Variants in MYT1L observed in about 807,000 individuals in gnomAD.
MYT1L encodes myelin transcription factor 1 like.
MYT1L carries 12 observed loss-of-function variants against 126.7 expected under a neutral mutation model. The observed-to-expected ratio is 0.09, with a 90% CI of 0.06 to 0.15. The LOEUF (loss-of-function observed/expected upper bound fraction) is 0.15, where lower values mean the gene tolerates loss of function less well. MYT1L is among the 10% of genes least tolerant of loss of function. The probability of loss-of-function intolerance (pLI) is 1.00; values close to 1 mark genes in which losing one functional copy is unlikely to be tolerated. For missense variants in MYT1L, 979 were observed against 1,585.2 expected (o/e 0.62, Z 6.49); for synonymous variants, 541 against 604.2 (o/e 0.90, Z 1.53).
chr2:1,984,893 G>A (rs1202222742), intron 5 of MYT1L, among the ~76,000 whole-genome samples: 3 of 152,118 alleles, frequency 2.0e-5, no homozygotes, highest in Admixed American at 6.6e-5. Context: ...CTGATGTCAA[G>A]TACCACATTA....
chr2:2,218,615 A>G (rs982389673), intron 2 of MYT1L, among the ~76,000 whole-genome samples: 1 of 152,210 alleles, frequency 6.6e-6, no homozygotes, highest in Admixed American at 6.5e-5. Flanking sequence ...AAACCTTGGC[A>G]TGAAGTTTAC....
At chr2:1,952,510 G>A (rs1573915477) in intron 8 of MYT1L, among the ~76,000 whole-genome samples, 1 of 151,766 alleles carries the variant, frequency 6.6e-6, no homozygotes. Flanking sequence ...CAGGAGACGT[G>A]GTTCTCCGAC....
At chr2:1,896,496 A>AT (rs2049589993) in intron 14 of MYT1L, among the ~76,000 whole-genome samples, 1 of 152,244 alleles carries the variant, frequency 6.6e-6, no homozygotes, top group Non-Finnish European at 1.5e-5. Flanking sequence ...CTGTGATACT[A>AT]TGCAGCCATA....
intron 3 of MYT1L, among the ~76,000 whole-genome samples, chr2:2,143,258 C>A (rs930045942): frequency 2.0e-5 from 3 of 149,988 alleles, no homozygotes; most frequent in African/African-American, 7.4e-5. Context: ...CCACTGCATT[C>A]CAGCCTGGGC....
chr2:2,020,005 C>T (rs562338707), intron 4 of MYT1L, among the ~76,000 whole-genome samples: 42 of 152,134 alleles, frequency 2.8e-4, no homozygotes, highest in Admixed American at 4.6e-4. Context: ...CCACTGCACC[C>T]GGCTAATTTT....
rs187739981 is a variant in MYT1L at position 1,831,220 on chromosome 2, C to G, written c.3080+7929G>C. 4.0e-5 allele frequency among the ~76,000 whole-genome samples: 6 copies of G among 149,682 alleles called. No homozygotes were observed. The East Asian group carries it at 1.1e-3, about 27-fold the overall frequency. On this transcript the variant is annotated intron_variant, in intron 21 of 24. Coordinates refer to ENST00000647738, the MANE Select transcript of MYT1L (RefSeq NM_001303052.2). The stretch of plus-strand genomic sequence containing the variant: ...CTGCTCCGAGGACCCCTGGCTCCCC[C>G]CAGATGGAGCTCTGCTCTGAGGACC...
chr2:2,172,847 G>T (rs1456512418), intron 3 of MYT1L, 25 bp downstream of exon 3: 1 of 152,360 alleles, frequency 6.6e-6, no homozygotes, highest in Non-Finnish European at 1.5e-5. Context: ...TCTGTCACCA[G>T]GAGCCCCGTG....
At chr2:2,180,053 G>T (rs2091243630) in intron 2 of MYT1L, among the ~76,000 whole-genome samples, 2 of 152,152 alleles carry the variant, frequency 1.3e-5, no homozygotes, top group Non-Finnish European at 2.9e-5. Flanking sequence ...TCCACTGTTT[G>T]CCCACTTCTG....
intron 2 of MYT1L, among the ~76,000 whole-genome samples, chr2:2,210,505 C>T (rs1221328492): frequency 6.6e-6 from 1 of 152,122 alleles, no homozygotes; most frequent in African/African-American, 2.4e-5. Flanking sequence ...AGTGTCTATC[C>T]TTGGCTCCTT....
chr2:1,839,187 G>A lies in MYT1L; in HGVS notation c.3042C>T (p.Gly1014=), dbSNP rs747976620. 3 of 1,613,350 alleles carry A rather than the reference G, an allele frequency of 1.9e-6. No individual in the cohort carries two copies. Among genetic ancestry groups the A allele is most frequent in the Non-Finnish European group, 2.5e-6 (3 of 1,179,840 alleles). The change falls in exon 21 of 25, where the codon GGC becomes GGT. Residue 1014 remains glycine, a synonymous_variant. Transcript: ENST00000647738. ...GGAAGCTGCCGCTGACGTGGCCTGA[G>A]CCGTCGCATCCTGGCGTGGGGCAGG... is the stretch of plus-strand genomic sequence containing the variant. The part of the protein sequence containing the change: ...GMSCPTPGCD[G]SGHVSGSFLT...
chr2:1,969,534 C>G (rs2149436390), intron 8 of MYT1L, among the ~76,000 whole-genome samples: 1 of 152,332 alleles, frequency 6.6e-6, no homozygotes, highest in African/African-American at 2.4e-5. Flanking sequence ...CCAGGTGACG[C>G]TGATGTTCTG....
intron 2 of MYT1L, among the ~76,000 whole-genome samples, chr2:2,263,718 A>G (rs1180225712): frequency 3.9e-5 from 6 of 152,064 alleles, no homozygotes; most frequent in Non-Finnish European, 8.8e-5. Context: ...CCTCTTGTTC[A>G]CGACTAGACC....
intron 3 of MYT1L, among the ~76,000 whole-genome samples, chr2:2,065,140 G>A (rs1020875181): frequency 2.0e-5 from 3 of 152,098 alleles, no homozygotes; most frequent in Non-Finnish European, 4.4e-5. Context: ...TGAGGCTGCC[G>A]TGAGCCATGA....
intron 2 of MYT1L, among the ~76,000 whole-genome samples, chr2:2,209,249 A>G (rs2093420794): frequency 6.6e-6 from 1 of 152,202 alleles, no homozygotes; most frequent in Non-Finnish European, 1.5e-5. Flanking sequence ...TGTTACAAAA[A>G]AAATCCAATC....
Position 1,845,964 on chromosome 2 carries a change from G to A in MYT1L, c.2775-5121C>T, listed in dbSNP as rs188640021. 4.6e-5 allele frequency among the ~76,000 whole-genome samples: 7 copies of A among 152,152 alleles called. No homozygotes were observed. The East Asian group carries it at 7.7e-4, about 17-fold the overall frequency. On this transcript the variant is annotated intron_variant, in intron 19 of 24. Transcript: ENST00000647738. ...ATCCCTCATGCAGTGGCTCAGCGTCGCCTCCTCTCTCCTGGGCTCCAACCC... is the reference window on the plus strand; with the variant it reads ...ATCCCTCATGCAGTGGCTCAGCGTCACCTCCTCTCTCCTGGGCTCCAACCC...
intron 9 of MYT1L, among the ~76,000 whole-genome samples, chr2:1,934,135 T>A (rs28540584): frequency 2.0e-5 from 3 of 151,194 alleles, no homozygotes; most frequent in African/African-American, 2.4e-5. Flanking sequence ...CCACCACGCC[T>A]GGCTAATTTT....
chr2:2,091,412 AG>A (rs2076911170), intron 3 of MYT1L, among the ~76,000 whole-genome samples: 3 of 152,216 alleles, frequency 2.0e-5, no homozygotes, highest in African/African-American at 7.2e-5. Flanking sequence ...GTAGGCTTGA[AG>A]TATTTAGTAA....
At chr2:1,957,626 T>A (rs1416890651) in intron 8 of MYT1L, among the ~76,000 whole-genome samples, 1 of 152,212 alleles carries the variant, frequency 6.6e-6, no homozygotes, top group Non-Finnish European at 1.5e-5. Context: ...TAATCATCTA[T>A]CAGCTGTCAT....
At chr2:2,038,729 G>C (rs1028394751) in intron 4 of MYT1L, among the ~76,000 whole-genome samples, 2 of 152,054 alleles carry the variant, frequency 1.3e-5, no homozygotes, top group African/African-American at 4.8e-5. Flanking sequence ...CTGGCATGTG[G>C]AAAGGTCACA....
Sources: gnomAD v4.1 joint callset for allele counts (sites outside exome capture counted in the v4.1 genomes callset) on GRCh38, gnomAD v4.1.1 for gene constraint, MANE v1.5 for transcripts, NCBI Gene and HGNC (gene_info 2026-07-23, HGNC 2026-07-21) for gene names.